Variants in DPP10 observed in about 807,000 individuals in gnomAD.
The protein encoded by DPP10 is inactive dipeptidyl peptidase 10.
Under a neutral mutation model 120.9 loss-of-function variants are expected in DPP10, and 33 were observed. That is an observed-to-expected ratio of 0.27 (90% CI 0.21 to 0.37). The LOEUF (loss-of-function observed/expected upper bound fraction) is 0.37, where lower values mean the gene tolerates loss of function less well. Among genes scored for constraint, DPP10 ranks in the 10% least tolerant of loss-of-function variants. The probability of loss-of-function intolerance (pLI) is 1.00; values close to 1 mark genes in which losing one functional copy is unlikely to be tolerated. For synonymous variants in DPP10, 337 were observed against 326.1 expected, an observed-to-expected ratio of 1.03 and a Z score of -0.36; for missense variants, 816 against 942.8, an observed-to-expected ratio of 0.87 and a Z score of 1.76.
chr2:114,964,899 T>C (rs1196433096), intron 1 of DPP10, among the ~76,000 whole-genome samples: 2 of 152,160 alleles, frequency 1.3e-5, no homozygotes, highest in African/African-American at 4.8e-5. Context: ...GTGAAATGAT[T>C]TAATGTGGAA....
rs530405321 is a variant in DPP10 at position 114,841,861 on chromosome 2, G to A, written c.60+399023G>A. Among the ~76,000 whole-genome samples the A allele has an allele frequency of 3.9e-5, 6 of 152,164 alleles. No homozygotes were observed. In the East Asian group the frequency reaches 1.2e-3, roughly 29 times the overall value. Reference sequence around the variant, plus strand: ...AATTGGTTAGGTGGAGAGAAGTGGAGACACCCGGCACTCATGCTGGGTCAT... The same window carrying A: ...AATTGGTTAGGTGGAGAGAAGTGGAAACACCCGGCACTCATGCTGGGTCAT... On this transcript the variant is annotated intron_variant, in intron 1 of 25. Transcript: ENST00000410059.
intron 1 of DPP10, among the ~76,000 whole-genome samples, chr2:115,220,146 T>G (rs1311380501): frequency 6.6e-6 from 1 of 152,138 alleles, no homozygotes; most frequent in Non-Finnish European, 1.5e-5. Context: ...CCTGTTTTCC[T>G]TGGTATTGGA....
chr2:114,773,107 G>T (rs1365141136), intron 1 of DPP10, among the ~76,000 whole-genome samples: 1 of 152,122 alleles, frequency 6.6e-6, no homozygotes, highest in African/African-American at 2.4e-5. Flanking sequence ...GGTAGAAGAA[G>T]CCAGGCAAAG....
In DPP10 at chr2:115,377,876, T is replaced by G. The variant is rs549601970; in HGVS notation, c.271+33964T>G. Reference sequence around the variant, plus strand: ...TCAGATAGTTGCAGATATGTGGCATTATTTCTGAGGGCTCTGTTCTGTTCC... The same window carrying G: ...TCAGATAGTTGCAGATATGTGGCATGATTTCTGAGGGCTCTGTTCTGTTCC... On this transcript the variant is annotated intron_variant, in intron 3 of 25. Coordinates refer to ENST00000410059, the MANE Select transcript of DPP10 (RefSeq NM_020868.6). Among the ~76,000 whole-genome samples, 7 of 152,302 alleles carry G rather than the reference T, an allele frequency of 4.6e-5. No homozygotes were observed. In the East Asian group the frequency reaches 1.2e-3, roughly 25 times the overall value.
chr2:115,570,375 G>A (rs1256600463), intron 5 of DPP10, among the ~76,000 whole-genome samples: 2 of 152,144 alleles, frequency 1.3e-5, no homozygotes, highest in African/African-American at 2.4e-5. Context: ...CAGTTTTAAT[G>A]GCACACTTGT....
intron 1 of DPP10, among the ~76,000 whole-genome samples, chr2:114,941,927 T>C (rs1356096208): frequency 6.6e-6 from 1 of 152,084 alleles, no homozygotes; most frequent in Non-Finnish European, 1.5e-5. Flanking sequence ...ATGGAGACTA[T>C]GATAAATGTA....
At chr2:114,898,672 A>C (rs989613964) in intron 1 of DPP10, among the ~76,000 whole-genome samples, 10 of 152,182 alleles carry the variant, frequency 6.6e-5, no homozygotes, top group Non-Finnish European at 1.3e-4. Flanking sequence ...TAGTAAAATC[A>C]TATTTTAACA....
chr2:115,755,558 A>T (rs1240783261), intron 11 of DPP10, among the ~76,000 whole-genome samples: 7 of 152,122 alleles, frequency 4.6e-5, no homozygotes, highest in Non-Finnish European at 1.0e-4. Context: ...AAGCTATAAA[A>T]CTACTAGAAG....
At chr2:115,270,129 CACTT>C (rs2059636005) in intron 1 of DPP10, among the ~76,000 whole-genome samples, 1 of 149,530 alleles carries the variant, frequency 6.7e-6, no homozygotes, top group Non-Finnish European at 1.5e-5. Flanking sequence ...CACACACAAA[CACTT>C]ATTTATGCTG....
chr2:114,620,094 C>T (rs1352176306), intron 1 of DPP10, among the ~76,000 whole-genome samples: 2 of 151,838 alleles, frequency 1.3e-5, no homozygotes, highest in Non-Finnish European at 2.9e-5. Context: ...TTGACATGCT[C>T]ATCTTTTTTT....
At chr2:114,689,343 T>C (rs1452849162) in intron 1 of DPP10, among the ~76,000 whole-genome samples, 2 of 152,032 alleles carry the variant, frequency 1.3e-5, no homozygotes, top group African/African-American at 4.8e-5. Flanking sequence ...TTTGGTTTCC[T>C]GTTCCTGCAT....
intron 1 of DPP10, among the ~76,000 whole-genome samples, chr2:115,003,025 G>T (rs1456471788): frequency 6.6e-6 from 1 of 151,672 alleles, no homozygotes; most frequent in Non-Finnish European, 1.5e-5. Context: ...ATACTCAAAG[G>T]ACTACATATT....
At chr2:114,650,709 T>C (rs1573885935) in intron 1 of DPP10, among the ~76,000 whole-genome samples, 1 of 152,180 alleles carries the variant, frequency 6.6e-6, no homozygotes, top group African/African-American at 2.4e-5. Context: ...TGGAATTGAA[T>C]TGGAATTTCA....
chr2:115,532,102 TC>T (rs2078504947), intron 5 of DPP10, among the ~76,000 whole-genome samples: 1 of 152,064 alleles, frequency 6.6e-6, no homozygotes. Context: ...ACTCTCTATT[TC>T]CCATCCATTA....
rs116238964 is a variant in DPP10, at chr2:114,957,632, A to G, written c.61-351607A>G. On this transcript the variant is annotated intron_variant, in intron 1 of 25. Coordinates refer to ENST00000410059, the MANE Select transcript of DPP10 (RefSeq NM_020868.6). The stretch of plus-strand genomic sequence containing the variant: ...GAATGGAAATCAGTATGTTGAAGAA[A>G]TGCCTACACTTAAGTGTTCATTGGT... 7.4e-3 allele frequency among the ~76,000 whole-genome samples: 1,121 copies of G among 152,358 alleles called. 16 individuals are homozygous for G. The highest frequency in any genetic ancestry group is 0.025 in the African/African-American group (1,051 of 41,586).
At chr2:114,480,857 TAATA>T (rs532143231) in intron 1 of DPP10, among the ~76,000 whole-genome samples, 2,979 of 151,270 alleles carry the variant, frequency 0.02, 98 homozygotes, top group African/African-American at 0.068. Context: ...TAAAGTATAA[TAATA>T]ATAATAAAAA....
rs572649340 is a variant in DPP10, at chr2:115,381,704, A to G, written c.271+37792A>G. On this transcript the variant is annotated intron_variant, in intron 3 of 25. Coordinates refer to ENST00000410059, the MANE Select transcript of DPP10 (RefSeq NM_020868.6). ...TGGTTTTATCTACTTTTGGTCTTTG[A>G]TGATGGTGATCTACAGGTGGGTTTT... 2.8e-4 allele frequency among the ~76,000 whole-genome samples: 42 copies of G among 152,154 alleles called. No homozygotes were observed. The East Asian group carries it at 3.1e-3, about 11-fold the overall frequency.
intron 1 of DPP10, among the ~76,000 whole-genome samples, chr2:114,967,291 G>A (rs1343452519): frequency 6.6e-6 from 1 of 152,206 alleles, no homozygotes; most frequent in Non-Finnish European, 1.5e-5. Flanking sequence ...CATGGATCTG[G>A]TGTCCAAGTG....
At chr2:114,640,560 C>G (rs77262683) in intron 1 of DPP10, among the ~76,000 whole-genome samples, 2 of 151,872 alleles carry the variant, frequency 1.3e-5, no homozygotes, top group East Asian at 3.9e-4. Flanking sequence ...TCAGCCTCCC[C>G]TAAGGCTCTA....
Sources: gnomAD v4.1 joint callset for allele counts (sites outside exome capture counted in the v4.1 genomes callset) on GRCh38, gnomAD v4.1.1 for gene constraint, MANE v1.5 for transcripts, NCBI Gene and HGNC (gene_info 2026-07-23, HGNC 2026-07-21) for gene names.